ANGPT4: variants seen among roughly 807,000 people sequenced by gnomAD.
ANGPT4 encodes angiopoietin 4.
In ANGPT4, 50 loss-of-function variants were observed where a neutral mutation model predicts 53.0. The ratio of observed to expected loss-of-function variants is 0.94; its 90% CI spans 0.75 to 1.20. The LOEUF is 1.20. ANGPT4 is among the 50% of genes most tolerant of loss of function. The probability of loss-of-function intolerance (pLI) is 0.00; values close to 1 mark genes in which losing one functional copy is unlikely to be tolerated. For missense variants in ANGPT4, 648 were observed against 637.1 expected, an observed-to-expected ratio of 1.02 and a Z score of -0.18; for synonymous variants, 251 against 259.7, an observed-to-expected ratio of 0.97 and a Z score of 0.32.
chr20:885,329 C>T lies in ANGPT4; in HGVS notation c.588-4G>A. On this transcript the variant is annotated splice_region_variant and splice_polypyrimidine_tract_variant and intron_variant, in intron 3 of 8. Transcript: ENST00000381922. The stretch of plus-strand genomic sequence containing the variant: ...CTGCAACCGCTTCTCGAGCGCGCTG[C>T]GGGGTAGGGGGCGCACAGAGGTGAG... 6.3e-7 allele frequency: 1 copy of T among 1,575,564 alleles called. No individual in the cohort carries two copies. The highest frequency in any genetic ancestry group is 8.6e-7 in the Non-Finnish European group (1 of 1,166,550).
intron 1 of ANGPT4, among the ~76,000 whole-genome samples, chr20:902,734 G>A (rs1006475822): frequency 1.3e-5 from 2 of 151,972 alleles, no homozygotes; most frequent in African/African-American, 2.4e-5. Context: ...CTGAGAGAGG[G>A]TCACCGGATG....
At chr20:888,503 C>T in intron 2 of ANGPT4, 64 bp from the exon 3 acceptor site, 10 of 1,546,954 alleles carry the variant, frequency 6.5e-6, no homozygotes, top group Non-Finnish European at 6.9e-6. Flanking sequence ...TGCCCAACCA[C>T]CCACCTGCCC....
intron 1 of ANGPT4, among the ~76,000 whole-genome samples, chr20:903,842 G>A (rs1221338111): frequency 6.6e-6 from 1 of 152,186 alleles, no homozygotes; most frequent in Non-Finnish European, 1.5e-5. Flanking sequence ...AGGGGTAGGA[G>A]CCCAGGCAGG....
intron 1 of ANGPT4, among the ~76,000 whole-genome samples, chr20:907,714 G>A (rs374310362): frequency 6.6e-6 from 1 of 152,148 alleles, no homozygotes; most frequent in Non-Finnish European, 1.5e-5. Flanking sequence ...GTGTAACCAG[G>A]CGGTGCTTCT....
intron 1 of ANGPT4, among the ~76,000 whole-genome samples, chr20:905,803 G>A (rs1049308881): frequency 2.6e-5 from 4 of 152,140 alleles, no homozygotes; most frequent in Admixed American, 6.6e-5. Context: ...CTGCTGCTGC[G>A]GTCTCCCAAG....
At position 872,948 on chromosome 20, in the gene ANGPT4, C is replaced by T; in HGVS notation, c.*12G>A. On this transcript the variant is annotated 3_prime_UTR_variant, in exon 9 of 9. Coordinates refer to ENST00000381922, the MANE Select transcript of ANGPT4 (RefSeq NM_015985.4). Reference sequence around the variant, plus strand: ...TTCTCCTGTGTGGTCCAGCCTCTGGCACAGCTGCTCGTTAGATGTCCAAAG... The same window carrying T: ...TTCTCCTGTGTGGTCCAGCCTCTGGTACAGCTGCTCGTTAGATGTCCAAAG... The T allele has an allele frequency of 6.2e-7, 1 of 1,613,664 alleles. No homozygotes were observed.
intron 1 of ANGPT4, among the ~76,000 whole-genome samples, chr20:897,102 A>G (rs1318640020): frequency 6.6e-6 from 1 of 152,052 alleles, no homozygotes; most frequent in Non-Finnish European, 1.5e-5. Flanking sequence ...ATTTTCCACT[A>G]CCTACCCAAA....
chr20:888,514 A>G, intron 2 of ANGPT4, 75 bp from the exon 3 acceptor site: 1 of 1,537,350 alleles, frequency 6.5e-7, no homozygotes, highest in African/African-American at 1.4e-5. Context: ...CCACCTGCCC[A>G]CAGGCCCTGC....
chr20:903,035 T>G (rs1568852672), intron 1 of ANGPT4, among the ~76,000 whole-genome samples: 1 of 152,170 alleles, frequency 6.6e-6, no homozygotes. Flanking sequence ...AGGTCAGGTC[T>G]TGTGGGTGTA....
chr20:875,745 G>A (rs1981140178), intron 7 of ANGPT4, among the ~76,000 whole-genome samples: 1 of 152,206 alleles, frequency 6.6e-6, no homozygotes, highest in Admixed American at 6.5e-5. Context: ...GGCTGGGCCT[G>A]GTTGGAGAGA....
intron 1 of ANGPT4, among the ~76,000 whole-genome samples, chr20:909,186 G>T (rs542999455): frequency 6.6e-6 from 1 of 152,148 alleles, no homozygotes; most frequent in Non-Finnish European, 1.5e-5. Context: ...AGGATGCCAC[G>T]AGGTTTATGA....
intron 1 of ANGPT4, among the ~76,000 whole-genome samples, chr20:898,479 C>A (rs993923519): frequency 6.6e-6 from 1 of 152,222 alleles, no homozygotes; most frequent in Non-Finnish European, 1.5e-5. Flanking sequence ...GCCCACTTAG[C>A]AGCTACCATT....
Position 872,637 on chromosome 20 carries a change from G to T in ANGPT4, c.*323C>A, listed in dbSNP as rs879501482. 2.8e-5 allele frequency: 7 copies of T among 249,388 alleles called. No homozygotes were observed. Among genetic ancestry groups the T allele is most frequent in the African/African-American group, 1.1e-4 (5 of 44,866 alleles). 15.4% of individuals were successfully genotyped at this position (249,388 alleles called of 1,614,324 possible). On this transcript the variant is annotated 3_prime_UTR_variant, in exon 9 of 9. Transcript: ENST00000381922. The stretch of plus-strand genomic sequence containing the variant: ...CCCACCTGCCTGCAACCCCACCATT[G>T]GTCATGGGAATCAAGTTTGGTCTGT...
At chr20:884,694 C>T (rs1003669210) in intron 4 of ANGPT4, among the ~76,000 whole-genome samples, 10 of 152,170 alleles carry the variant, frequency 6.6e-5, no homozygotes, top group African/African-American at 2.2e-4. Flanking sequence ...TCCTCCCATT[C>T]TACAGCCAGG....
At chr20:894,357 G>C (rs1600055720) in intron 1 of ANGPT4, among the ~76,000 whole-genome samples, 1 of 152,172 alleles carries the variant, frequency 6.6e-6, no homozygotes, top group East Asian at 1.9e-4. Flanking sequence ...CTGTTGGGGA[G>C]GTCAGCTGAT....
intron 1 of ANGPT4, among the ~76,000 whole-genome samples, chr20:900,107 C>A (rs1409057276): frequency 6.6e-6 from 1 of 152,204 alleles, no homozygotes; most frequent in Non-Finnish European, 1.5e-5. Flanking sequence ...GGGTTACAAG[C>A]CACCAGCCCA....
chr20:910,868 G>A (rs956843528), intron 1 of ANGPT4, among the ~76,000 whole-genome samples: 10 of 152,214 alleles, frequency 6.6e-5, no homozygotes, highest in South Asian at 2.1e-4. Flanking sequence ...TCCCCAGGCC[G>A]AGGGTATCTG....
At chr20:882,995 T>G (rs146223762) in intron 4 of ANGPT4, among the ~76,000 whole-genome samples, 333 of 152,344 alleles carry the variant, frequency 2.2e-3, no homozygotes, top group African/African-American at 7.6e-3. Flanking sequence ...GGCTGGTAAT[T>G]TGTACCAGTT....
intron 7 of ANGPT4, among the ~76,000 whole-genome samples, chr20:876,259 C>T (rs968869216): frequency 6.6e-6 from 1 of 152,002 alleles, no homozygotes; most frequent in African/African-American, 2.4e-5. Flanking sequence ...CTGAGAAATT[C>T]CCCAGTGGGA....
Sources: gnomAD v4.1 joint callset for allele counts (sites outside exome capture counted in the v4.1 genomes callset) on GRCh38, gnomAD v4.1.1 for gene constraint, MANE v1.5 for transcripts, NCBI Gene and HGNC (gene_info 2026-07-23, HGNC 2026-07-21) for gene names.